Variants in SNAP23 observed in about 807,000 individuals in gnomAD.
SNAP23 encodes synaptosomal-associated protein 23.
A neutral mutation model predicts 29.0 loss-of-function variants in SNAP23; 11 were observed. That is an observed-to-expected ratio of 0.38 (90% CI 0.24 to 0.63). SNAP23 has a LOEUF of 0.63. SNAP23 is among the 20% of genes least tolerant of loss of function. SNAP23 has a pLI of 0.58. For missense variants in SNAP23, 220 were observed against 253.9 expected (o/e 0.87, Z 0.91); for synonymous variants, 60 against 82.9 (o/e 0.72, Z 1.50).
At chr15:42,523,088 C>T (rs138373233) in intron 5 of SNAP23, among the ~76,000 whole-genome samples, 2,483 of 151,674 alleles carry the variant, frequency 0.016, 67 homozygotes, top group African/African-American at 0.057. Context: ...TCAAGTAATT[C>T]ACCCGCCTTG....
chr15:42,506,146 A>G (rs1434926790), intron 1 of SNAP23, among the ~76,000 whole-genome samples: 2 of 148,730 alleles, frequency 1.3e-5, no homozygotes, highest in Non-Finnish European at 3.0e-5. Flanking sequence ...GGGTTTCACC[A>G]TTTTGGCAAT....
intron 5 of SNAP23, among the ~76,000 whole-genome samples, chr15:42,522,733 A>G (rs1012057233): frequency 1.4e-4 from 21 of 150,694 alleles, no homozygotes; most frequent in East Asian, 3.9e-4. Context: ...AAAAAAAAAA[A>G]AAAGAAATTA....
At chr15:42,529,840 C>T in intron 7 of SNAP23, 21 bp downstream of exon 7, 3 of 1,608,922 alleles carry the variant, frequency 1.9e-6, no homozygotes, top group Non-Finnish European at 2.5e-6. Context: ...TTTATTGCCA[C>T]AAGAAAATGA....
intron 1 of SNAP23, among the ~76,000 whole-genome samples, chr15:42,497,204 A>ATT (rs1192101985): frequency 3.2e-4 from 33 of 104,280 alleles, no homozygotes; most frequent in African/African-American, 8.6e-4. Context: ...AACCTGGCTA[A>ATT]TTTTTTTTTT....
chr15:42,495,064 A>G (rs2057205128), upstream of SNAP23, among the ~76,000 whole-genome samples: 1 of 152,144 alleles, frequency 6.6e-6, no homozygotes, highest in African/African-American at 2.4e-5. Context: ...TCTAACAAGG[A>G]TGAACTACTA....
intron 2 of SNAP23, chr15:42,512,499 C>T: frequency 6.3e-6 from 1 of 159,646 alleles, no homozygotes; most frequent in Non-Finnish European, 1.4e-5. Flanking sequence ...CTGCCTCAGC[C>T]TCCTGAGTAG....
At position 42,519,556 on chromosome 15, in the gene SNAP23, G is replaced by C. The variant is rs376841265; in HGVS notation, c.266+4202G>C. Reference sequence around the variant, plus strand: ...TGCTAACTAATGTATTTTTAGTAGAGACGGGGTTTTGCCATGTTGGCCAGG... The same window carrying C: ...TGCTAACTAATGTATTTTTAGTAGACACGGGGTTTTGCCATGTTGGCCAGG... On this transcript the variant is annotated intron_variant, in intron 5 of 7. Coordinates refer to ENST00000249647, the MANE Select transcript of SNAP23 (RefSeq NM_003825.4). 1.1e-4 allele frequency among the ~76,000 whole-genome samples: 16 copies of C among 151,582 alleles called. No homozygotes were observed. In the East Asian group the frequency reaches 2.1e-3, roughly 20 times the overall value.
intron 1 of SNAP23, among the ~76,000 whole-genome samples, chr15:42,502,184 C>T (rs1054625297): frequency 6.7e-6 from 1 of 149,284 alleles, no homozygotes; most frequent in Admixed American, 6.6e-5. Flanking sequence ...CCCACTACCA[C>T]GCCCGGCTAA....
At chr15:42,499,532 C>T (rs1405886105) in intron 1 of SNAP23, among the ~76,000 whole-genome samples, 1 of 152,082 alleles carries the variant, frequency 6.6e-6, no homozygotes, top group Non-Finnish European at 1.5e-5. Flanking sequence ...TATTTTACTT[C>T]ATGTTTAATG....
At chr15:42,528,931 A>G (rs775061068) in intron 6 of SNAP23, among the ~76,000 whole-genome samples, 2 of 152,170 alleles carry the variant, frequency 1.3e-5, no homozygotes, top group Non-Finnish European at 2.9e-5. Context: ...GATGGAATTA[A>G]CTTTTCTTTA....
chr15:42,515,381 A>C, intron 5 of SNAP23, 27 bp downstream of exon 5: 1 of 1,432,354 alleles, frequency 7.0e-7, no homozygotes. Context: ...AGATGGTTTC[A>C]AAATAAGTAA....
chr15:42,492,273 A>C (rs2057173709), upstream of SNAP23, among the ~76,000 whole-genome samples: 2 of 152,178 alleles, frequency 1.3e-5, no homozygotes, highest in South Asian at 4.1e-4. Context: ...TTTAGTGACT[A>C]AGACTATCAG....
At chr15:42,491,613 A>T (rs551022326), upstream of SNAP23, 3 of 152,368 alleles carry the variant, frequency 2.0e-5, no homozygotes, top group East Asian at 5.8e-4. Flanking sequence ...CTTGAGTTAA[A>T]ATTAGGATAA....
At chr15:42,496,977 T>A (rs1274403252) in intron 1 of SNAP23, among the ~76,000 whole-genome samples, 3 of 151,926 alleles carry the variant, frequency 2.0e-5, no homozygotes. Context: ...TCTCACCAGA[T>A]TCGAGATGAG....
At chr15:42,522,301 C>T (rs886114963) in intron 5 of SNAP23, among the ~76,000 whole-genome samples, 6 of 152,220 alleles carry the variant, frequency 3.9e-5, no homozygotes, top group African/African-American at 1.4e-4. Context: ...TTCCCCTCTA[C>T]ATATGTTATA....
upstream of SNAP23, among the ~76,000 whole-genome samples, chr15:42,493,409 C>A (rs2057190586): frequency 6.6e-6 from 1 of 151,926 alleles, no homozygotes; most frequent in African/African-American, 2.4e-5. Flanking sequence ...TTTAGCAGCA[C>A]TGTTGGACAC....
chr15:42,517,339 A>T (rs1212529431), intron 5 of SNAP23, among the ~76,000 whole-genome samples: 2 of 152,216 alleles, frequency 1.3e-5, no homozygotes, highest in Admixed American at 6.5e-5. Flanking sequence ...TTACAAACAT[A>T]ATTGTACCTT....
intron 1 of SNAP23, among the ~76,000 whole-genome samples, chr15:42,498,055 T>C (rs999550517): frequency 6.6e-6 from 1 of 152,234 alleles, no homozygotes; most frequent in African/African-American, 2.4e-5. Context: ...CCTGTGGCTT[T>C]GCAGGGTTCA....
chr15:42,531,627 CTTT>C lies in SNAP23; in HGVS notation c.*153_*155del. On this transcript the variant is annotated 3_prime_UTR_variant, in exon 8 of 8. Transcript: ENST00000249647. Reference sequence around the variant, plus strand: ...GGCCAGAGCAGTTACAGCCCTCCTTCTTTTTTGTTTTCTGTTGAGGGCCGACTG... The same window carrying C: ...GGCCAGAGCAGTTACAGCCCTCCTTCTTTGTTTTCTGTTGAGGGCCGACTG... The C allele has an allele frequency of 1.9e-6, 1 of 528,736 alleles. No homozygotes were observed. The highest frequency in any genetic ancestry group is 3.3e-6 in the Non-Finnish European group (1 of 306,232). 32.8% of individuals were successfully genotyped at this position (528,736 alleles called of 1,614,324 possible).
Sources: allele counts gnomAD v4.1 joint callset (sites outside exome capture counted in the v4.1 genomes callset), GRCh38; gene constraint gnomAD v4.1.1; transcripts MANE v1.5; gene names NCBI Gene and HGNC (gene_info 2026-07-23, HGNC 2026-07-21).